PXYLP1: variants seen among roughly 807,000 people sequenced by gnomAD.
PXYLP1 encodes acid phosphatase-like 2.
Under a neutral mutation model 37.9 loss-of-function variants are expected in PXYLP1, and 17 were observed. The observed-to-expected ratio is 0.45, with a 90% CI of 0.31 to 0.67. PXYLP1 has a LOEUF of 0.67. Among genes scored for constraint, PXYLP1 ranks in the 30% least tolerant of loss-of-function variants. The probability of loss-of-function intolerance (pLI) is 0.07; values close to 1 mark genes in which losing one functional copy is unlikely to be tolerated. For synonymous variants in PXYLP1, 221 were observed against 232.2 expected, an observed-to-expected ratio of 0.95 and a Z score of 0.44; for missense variants, 511 against 612.0, an observed-to-expected ratio of 0.84 and a Z score of 1.74.
At chr3:141,254,532 C>CA (rs1268028085) in intron 1 of PXYLP1, among the ~76,000 whole-genome samples, 1 of 152,140 alleles carries the variant, frequency 6.6e-6, no homozygotes, top group Non-Finnish European at 1.5e-5. Flanking sequence ...CTGGGGTTTC[C>CA]AGGAGGCTCT....
At chr3:141,281,705 C>T (rs1473032206) in intron 4 of PXYLP1, among the ~76,000 whole-genome samples, 1 of 152,142 alleles carries the variant, frequency 6.6e-6, no homozygotes, top group African/African-American at 2.4e-5. Flanking sequence ...GAGAAAGGGA[C>T]CAGAAAGGTG....
intron 4 of PXYLP1, among the ~76,000 whole-genome samples, chr3:141,281,311 C>T (rs13433995): frequency 0.12 from 18,025 of 152,078 alleles, 1,996 homozygotes; most frequent in African/African-American, 0.29. Flanking sequence ...GCAGGGGGCC[C>T]GAGGCTGAAA....
At chr3:141,258,251 A>G (rs1941309846) in intron 1 of PXYLP1, among the ~76,000 whole-genome samples, 1 of 152,194 alleles carries the variant, frequency 6.6e-6, no homozygotes, top group African/African-American at 2.4e-5. Context: ...AGAGGCCTGA[A>G]GACAAGATTT....
intron 1 of PXYLP1, among the ~76,000 whole-genome samples, chr3:141,259,588 C>T (rs1372011148): frequency 1.3e-5 from 2 of 152,094 alleles, no homozygotes; most frequent in Non-Finnish European, 1.5e-5. Context: ...TGGAGCTAGT[C>T]GGTGTAGGAG....
intron 2 of PXYLP1, among the ~76,000 whole-genome samples, chr3:141,269,505 A>G (rs1941610101): frequency 6.6e-6 from 1 of 152,126 alleles, no homozygotes; most frequent in East Asian, 1.9e-4. Flanking sequence ...AAATCTGTTC[A>G]TCTCTTCTTG....
chr3:141,255,842 C>T (rs546978432), intron 1 of PXYLP1, among the ~76,000 whole-genome samples: 108 of 152,292 alleles, frequency 7.1e-4, no homozygotes, highest in African/African-American at 2.5e-3. Context: ...AACCACAGTG[C>T]CAGAAAGAGC....
Position 141,292,416 on chromosome 3 carries a change from T to C in PXYLP1, c.654T>C (p.Leu218=), listed in dbSNP as rs1349052464. ...CCCTACAAAGTGGGCTGGCCTTGCT[T>C]TATGGCTTTCTCCCAGATTTTGACT... is the stretch of plus-strand genomic sequence containing the variant. The part of the protein sequence containing the change: ...SRTLQSGLAL[L]YGFLPDFDWK... The change falls in exon 6 of 6, where the codon CTT becomes CTC. Residue 218 remains leucine, a synonymous_variant. Transcript: ENST00000286353. This position sits in a 1 kb window ranked among gnomAD's most constrained non-coding sequence, Gnocchi z 4.3. 2 of 1,614,060 alleles carry C rather than the reference T, an allele frequency of 1.2e-6. No individual in the cohort carries two copies. The highest frequency in any genetic ancestry group is 1.7e-6 in the Non-Finnish European group (2 of 1,180,044).
chr3:141,274,685 C>G, intron 2 of PXYLP1: 1 of 707,736 alleles, frequency 1.4e-6, no homozygotes, highest in East Asian at 2.7e-5. Flanking sequence ...AAGACGCACA[C>G]TCCCAGCCCT....
intron 1 of PXYLP1, among the ~76,000 whole-genome samples, chr3:141,248,288 C>G (rs1424124007): frequency 2.0e-5 from 3 of 151,932 alleles, no homozygotes; most frequent in African/African-American, 7.3e-5. Flanking sequence ...CTGCCCCGGC[C>G]TCAAAGTGCT....
chr3:141,276,520 T>G (rs1941799268), intron 2 of PXYLP1, among the ~76,000 whole-genome samples: 1 of 152,244 alleles, frequency 6.6e-6, no homozygotes, highest in Non-Finnish European at 1.5e-5. Flanking sequence ...GATAGAACAT[T>G]CCACAGTAGG....
chr3:141,272,864 C>T (rs1033169891), intron 2 of PXYLP1: 34 of 628,698 alleles, frequency 5.4e-5, no homozygotes, highest in Non-Finnish European at 6.3e-5. Flanking sequence ...TCTGCCTTTC[C>T]CAGCCCACTG....
At chr3:141,248,501 A>G (rs1371756426) in intron 1 of PXYLP1, among the ~76,000 whole-genome samples, 3 of 127,608 alleles carry the variant, frequency 2.4e-5, no homozygotes, top group East Asian at 2.2e-4. Context: ...GTGTGTGTAT[A>G]TATATATATA....
rs146532189 is a variant in PXYLP1, at chr3:141,257,654, G to C, written c.-53-2469G>C. ...CAGCCGGGCACAGTGGCTCACACCTGTAATCCCAGCACTTTGGCAGGCAGA... is the reference window on the plus strand; with the variant it reads ...CAGCCGGGCACAGTGGCTCACACCTCTAATCCCAGCACTTTGGCAGGCAGA... On this transcript the variant is annotated intron_variant, in intron 1 of 5. Transcript: ENST00000286353. Among the ~76,000 whole-genome samples, 780 of 152,240 alleles carry C rather than the reference G, an allele frequency of 5.1e-3. 7 individuals are homozygous for C. The highest frequency in any genetic ancestry group is 0.018 in the African/African-American group (746 of 41,524).
chr3:141,275,719 G>C (rs1418102628), intron 2 of PXYLP1, among the ~76,000 whole-genome samples: 1 of 152,046 alleles, frequency 6.6e-6, no homozygotes, highest in Non-Finnish European at 1.5e-5. Flanking sequence ...CTAATGTTGG[G>C]TGGGTGAATC....
intron 2 of PXYLP1, among the ~76,000 whole-genome samples, chr3:141,271,485 C>T (rs1456841014): frequency 1.3e-5 from 2 of 152,154 alleles, no homozygotes; most frequent in African/African-American, 2.4e-5. Context: ...GGACCTTGGC[C>T]CCAAGAGGTT....
chr3:141,251,124 C>G (rs142079745), intron 1 of PXYLP1, among the ~76,000 whole-genome samples: 1 of 152,202 alleles, frequency 6.6e-6, no homozygotes, highest in Non-Finnish European at 1.5e-5. Context: ...AGTTCTAGAT[C>G]GGAAATTGGT....
chr3:141,246,005 C>T (rs534147639), intron 1 of PXYLP1, among the ~76,000 whole-genome samples: 159 of 152,316 alleles, frequency 1.0e-3, no homozygotes, highest in African/African-American at 3.6e-3. Flanking sequence ...GGAGAGCTGG[C>T]TTCAGACTCT....
chr3:141,274,356 G>A (rs531503696), intron 2 of PXYLP1: 101 of 1,420,802 alleles, frequency 7.1e-5, no homozygotes, highest in Non-Finnish European at 8.7e-5. Flanking sequence ...CAGGCCTTAC[G>A]GGACCCAAGG....
chr3:141,255,841 G>A (rs1461580882), intron 1 of PXYLP1, among the ~76,000 whole-genome samples: 1 of 152,228 alleles, frequency 6.6e-6, no homozygotes, highest in East Asian at 1.9e-4. Context: ...GAACCACAGT[G>A]CCAGAAAGAG....
Sources: gnomAD v4.1 joint callset for allele counts (sites outside exome capture counted in the v4.1 genomes callset) on GRCh38, gnomAD v4.1.1 for gene constraint, Gnocchi (gnomAD v3.1) non-coding constraint, MANE v1.5 for transcripts, NCBI Gene and HGNC (gene_info 2026-07-23, HGNC 2026-07-21) for gene names.